ELAVL4: variants seen among roughly 807,000 people sequenced by gnomAD.
ELAVL4 encodes ELAV-like protein 4.
A neutral mutation model predicts 35.6 loss-of-function variants in ELAVL4; 1 was observed. That is an observed-to-expected ratio of 0.03 (90% CI 0.01 to 0.13). ELAVL4 has a LOEUF of 0.13. ELAVL4 is among the 10% of genes least tolerant of loss of function. The pLI is 1.00. For missense variants in ELAVL4, 267 were observed against 464.9 expected, an observed-to-expected ratio of 0.57 and a Z score of 3.91; for synonymous variants, 156 against 171.0, an observed-to-expected ratio of 0.91 and a Z score of 0.69.
chr1:50,185,834 G>T (rs1557851875), intron 3 of ELAVL4, among the ~76,000 whole-genome samples: 1 of 152,124 alleles, frequency 6.6e-6, no homozygotes, highest in Non-Finnish European at 1.5e-5. Flanking sequence ...TTGTATAGGG[G>T]AAAGTATTAT....
chr1:50,196,704 C>T (rs1047434870), intron 5 of ELAVL4, among the ~76,000 whole-genome samples: 2 of 152,040 alleles, frequency 1.3e-5, no homozygotes, highest in Non-Finnish European at 2.9e-5. Context: ...CATGAAGAGT[C>T]CAAGTCATCT....
Position 50,076,091 on chromosome 1 carries a change from A to G in ELAVL4, c.18+27909A>G, listed in dbSNP as rs377220580. ...CGATTGTCCCACCTTGGCCTCCCAA[A>G]GTGCTGGGATTACAGGCATGAGCCA... On this transcript the variant is annotated intron_variant, in intron 1 of 6. Transcript: ENST00000448907. 2.4e-4 allele frequency among the ~76,000 whole-genome samples: 37 copies of G among 152,272 alleles called. 1 individual carries two copies. Among genetic ancestry groups the G allele is most frequent in the African/African-American group, 8.9e-4 (37 of 41,554 alleles).
intron 2 of ELAVL4, among the ~76,000 whole-genome samples, chr1:50,158,059 A>C (rs1359773159): frequency 6.6e-6 from 1 of 152,198 alleles, no homozygotes. Flanking sequence ...GCTGTGTAAC[A>C]GGCAAATTTT....
At chr1:50,087,200 G>C (rs1335394942) in intron 1 of ELAVL4, among the ~76,000 whole-genome samples, 1 of 152,132 alleles carries the variant, frequency 6.6e-6, no homozygotes, top group Non-Finnish European at 1.5e-5. Context: ...CAGCCAACCA[G>C]AAATGGAATT....
intron 1 of ELAVL4, among the ~76,000 whole-genome samples, chr1:50,139,095 T>C (rs1672386470): frequency 6.6e-6 from 1 of 152,230 alleles, no homozygotes; most frequent in South Asian, 2.1e-4. Context: ...GACTGGTTGC[T>C]TACCTGTCCT....
At chr1:50,058,423 G>T (rs1663790633) in intron 1 of ELAVL4, among the ~76,000 whole-genome samples, 1 of 151,914 alleles carries the variant, frequency 6.6e-6, no homozygotes, top group South Asian at 2.1e-4. Flanking sequence ...TTTTGAAAGG[G>T]GCAGCATTCT....
chr1:50,135,086 C>T (rs558039830), intron 1 of ELAVL4, among the ~76,000 whole-genome samples: 1 of 152,096 alleles, frequency 6.6e-6, no homozygotes, highest in Non-Finnish European at 1.5e-5. Flanking sequence ...ATTAATGCCT[C>T]TTGTTCTCTC....
intron 1 of ELAVL4, among the ~76,000 whole-genome samples, chr1:50,056,857 G>C (rs550561479): frequency 1.3e-5 from 2 of 151,868 alleles, no homozygotes; most frequent in Non-Finnish European, 2.9e-5. Flanking sequence ...GCGTGAACCC[G>C]GGAGGCAGAG....
At chr1:50,113,990 G>A (rs1667522607) in intron 1 of ELAVL4, among the ~76,000 whole-genome samples, 1 of 151,996 alleles carries the variant, frequency 6.6e-6, no homozygotes, top group Admixed American at 6.6e-5. Flanking sequence ...ATAAGAACTG[G>A]TTTCTCTTCA....
At chr1:50,190,490 G>A (rs1036633915) in intron 3 of ELAVL4, among the ~76,000 whole-genome samples, 2 of 152,184 alleles carry the variant, frequency 1.3e-5, no homozygotes, top group African/African-American at 4.8e-5. Context: ...TCATGGACAG[G>A]AAACTGAGAG....
chr1:50,051,846 A>G (rs1366578085), intron 1 of ELAVL4, among the ~76,000 whole-genome samples: 1 of 152,082 alleles, frequency 6.6e-6, no homozygotes, highest in Non-Finnish European at 1.5e-5. Context: ...ACAAAAATTT[A>G]TTTTCTCACA....
intron 3 of ELAVL4, among the ~76,000 whole-genome samples, chr1:50,191,490 T>A (rs1421390502): frequency 2.0e-5 from 3 of 152,192 alleles, no homozygotes; most frequent in Non-Finnish European, 4.4e-5. Context: ...GGGTGTTTAT[T>A]CATTTTTTCA....
chr1:50,196,314 C>T (rs543211036), intron 5 of ELAVL4, among the ~76,000 whole-genome samples: 2 of 152,242 alleles, frequency 1.3e-5, no homozygotes, highest in South Asian at 4.2e-4. Context: ...GAGGAAGATC[C>T]TGTCCAAGCC....
chr1:50,097,077 G>T (rs1318756205), intron 1 of ELAVL4, among the ~76,000 whole-genome samples: 1 of 152,032 alleles, frequency 6.6e-6, no homozygotes, highest in East Asian at 1.9e-4. Context: ...AAAATTAGCT[G>T]GGTGTTGGGG....
rs146082627 is a variant in ELAVL4, at chr1:50,171,670, A to G, written c.251-5419A>G. On this transcript the variant is annotated intron_variant, in intron 2 of 6. Coordinates refer to ENST00000371824, the MANE Select transcript of ELAVL4 (RefSeq NM_001144774.3). ...TTTTTCCAGATAAGAGAGCATACTG[A>G]TAAAGCTTAAATGACTTAACCAAGG... Among the ~76,000 whole-genome samples the G allele has an allele frequency of 2.0e-3, 309 of 152,340 alleles. 1 individual carries two copies. The highest frequency in any genetic ancestry group is 7.2e-3 in the African/African-American group (299 of 41,580).
Position 50,109,016 on chromosome 1 carries a change from C to CCGGGGGGG in ELAVL4, c.-173_-172insGGGGGGGC. The CCGGGGGGG allele has an allele frequency of 2.2e-6, 2 of 905,788 alleles. No homozygotes were observed. Among genetic ancestry groups the CCGGGGGGG allele is most frequent in the Non-Finnish European group, 2.6e-6 (2 of 761,402 alleles). The allele number at this position is 905,788 out of a possible 1,614,324, so 56.1% of individuals were successfully genotyped here. ...CTCCTTTTCTTTTTTTTCTTTCTCTCCCCCGCCCACCCCCCCAAAAATAAT... is the reference window on the plus strand; with the variant it reads ...CTCCTTTTCTTTTTTTTCTTTCTCTCCGGGGGGGCCCCGCCCACCCCCCCAAAAATAAT... On this transcript the variant is annotated 5_prime_UTR_variant, in exon 1 of 7. Transcript: ENST00000371824.
upstream of ELAVL4, among the ~76,000 whole-genome samples, chr1:50,100,953 A>G (rs1272243154): frequency 2.0e-5 from 3 of 150,534 alleles, no homozygotes; most frequent in East Asian, 3.9e-4. Flanking sequence ...CATATTAGTA[A>G]TAATTGCTGC....
upstream of ELAVL4, among the ~76,000 whole-genome samples, chr1:50,100,772 A>T (rs1665935925): frequency 6.6e-6 from 1 of 152,184 alleles, no homozygotes; most frequent in African/African-American, 2.4e-5. Context: ...GTAAATGTTG[A>T]TTTGCAGCAG....
chr1:50,115,701 C>T (rs1240052455), intron 1 of ELAVL4, among the ~76,000 whole-genome samples: 1 of 152,094 alleles, frequency 6.6e-6, no homozygotes, highest in Non-Finnish European at 1.5e-5. Context: ...ATTGAATCTT[C>T]TCCTGCTTCT....
Sources: allele counts gnomAD v4.1 joint callset (sites outside exome capture counted in the v4.1 genomes callset), GRCh38; gene constraint gnomAD v4.1.1; transcripts MANE v1.5; gene names NCBI Gene and HGNC (gene_info 2026-07-23, HGNC 2026-07-21).